Variants in TULP4 observed in about 807,000 individuals in gnomAD.
TULP4 encodes the protein tubby-related protein 4.
Under a neutral mutation model 129.0 loss-of-function variants are expected in TULP4, and 16 were observed. The observed-to-expected ratio is 0.12, with a 90% CI of 0.08 to 0.19. The LOEUF is 0.19. Ranked by LOEUF, TULP4 falls within the 10% of genes least tolerant of loss-of-function variation. The pLI is 1.00. For missense variants in TULP4, 1,842 were observed against 2,059.1 expected (o/e 0.89, Z 2.04); for synonymous variants, 998 against 854.0 (o/e 1.17, Z -2.94).
At chr6:158,243,682 G>T (rs1777969073) in intron 1 of TULP4, among the ~76,000 whole-genome samples, 1 of 152,060 alleles carries the variant, frequency 6.6e-6, no homozygotes, top group African/African-American at 2.4e-5. Flanking sequence ...TAAATCAAAA[G>T]AATCCAATTT....
intron 1 of TULP4, among the ~76,000 whole-genome samples, chr6:158,269,053 T>A (rs1490783086): frequency 6.6e-6 from 1 of 152,228 alleles, no homozygotes; most frequent in Admixed American, 6.5e-5. Context: ...TCTTTCCAAT[T>A]TGTGGCTCTT....
chr6:158,332,603 G>A (rs1475381368), intron 1 of TULP4, among the ~76,000 whole-genome samples: 1 of 152,116 alleles, frequency 6.6e-6, no homozygotes, highest in Admixed American at 6.5e-5. Context: ...TGGGAGTATG[G>A]ACAAGTGGCA....
chr6:158,454,022 C>CCT (rs1554293017), intron 5 of TULP4, among the ~76,000 whole-genome samples: 1 of 94,680 alleles, frequency 1.1e-5, no homozygotes, highest in Non-Finnish European at 2.6e-5. Flanking sequence ...CTCTGCACCG[C>CCT]CCCCCCCCAA....
intron 1 of TULP4, among the ~76,000 whole-genome samples, chr6:158,318,369 T>G (rs986772442): frequency 2.0e-5 from 3 of 152,170 alleles, no homozygotes; most frequent in Non-Finnish European, 1.5e-5. Context: ...TGACCAACTC[T>G]CCTAGCTTCC....
intron 12 of TULP4, among the ~76,000 whole-genome samples, chr6:158,499,306 AC>A (rs1780396449): frequency 6.6e-6 from 1 of 152,124 alleles, no homozygotes; most frequent in South Asian, 2.1e-4. Flanking sequence ...AAAAGCCTTT[AC>A]CTGGAACTAC....
At chr6:158,305,322 T>TGC (rs1305294584) in intron 1 of TULP4, among the ~76,000 whole-genome samples, 5 of 111,628 alleles carry the variant, frequency 4.5e-5, no homozygotes, top group African/African-American at 1.7e-4. Flanking sequence ...TCATTCTGTG[T>TGC]GCGTGTGTGT....
At chr6:158,365,934 G>A (rs1431660415) in intron 1 of TULP4, among the ~76,000 whole-genome samples, 4 of 101,584 alleles carry the variant, frequency 3.9e-5, no homozygotes, top group Middle Eastern at 0.013. Flanking sequence ...ATGGAGTCTC[G>A]CTCTGTCGCC....
At chr6:158,372,341 A>C (rs1464230229) in intron 1 of TULP4, among the ~76,000 whole-genome samples, 1 of 152,040 alleles carries the variant, frequency 6.6e-6, no homozygotes, top group Non-Finnish European at 1.5e-5. Context: ...CCAAGGCAGA[A>C]AATCAGAAAA....
At chr6:158,373,537 A>C (rs1035259144) in intron 1 of TULP4, among the ~76,000 whole-genome samples, 1 of 152,174 alleles carries the variant, frequency 6.6e-6, no homozygotes. Flanking sequence ...CAATTTGTTC[A>C]GTTCCACTTA....
At chr6:158,237,570 C>T (rs1011520534) in intron 1 of TULP4, 2 of 1,541,082 alleles carry the variant, frequency 1.3e-6, no homozygotes, top group Admixed American at 1.7e-5. Flanking sequence ...TCTGATCCTT[C>T]TTTTTACCCT....
intron 1 of TULP4, among the ~76,000 whole-genome samples, chr6:158,372,142 T>A (rs113544547): frequency 0.051 from 6,238 of 121,170 alleles, 261 homozygotes; most frequent in African/African-American, 0.088. Flanking sequence ...TTTTTTTTTT[T>A]AATACAATTC....
Position 158,248,463 on chromosome 6 carries a change from G to A in TULP4, n.68+16160G>A, listed in dbSNP as rs938499904. Reference sequence around the variant, plus strand: ...TTTTTTGTATTTTAGTAGAGACGGGGTTTCATTGTGTTAGCCAGGATGATC... The same window carrying A: ...TTTTTTGTATTTTAGTAGAGACGGGATTTCATTGTGTTAGCCAGGATGATC... On this transcript the variant is annotated intron_variant and non_coding_transcript_variant, in intron 1 of 1. Transcript: ENST00000620026. Among the ~76,000 whole-genome samples the A allele has an allele frequency of 1.3e-4, 20 of 152,126 alleles. No homozygotes were observed. In the South Asian group the frequency reaches 4.0e-3, roughly 30 times the overall value.
chr6:158,495,776 G>A (rs1013932280), intron 11 of TULP4, among the ~76,000 whole-genome samples: 1 of 152,016 alleles, frequency 6.6e-6, no homozygotes, highest in East Asian at 1.9e-4. Context: ...GGGGGCGGAG[G>A]TTGCTGTGAG....
intron 1 of TULP4, among the ~76,000 whole-genome samples, chr6:158,320,693 A>G (rs6914117): frequency 0.69 from 104,608 of 152,064 alleles, 36,236 homozygotes; most frequent in East Asian, 0.89. Context: ...CAGCCTCCCC[A>G]AGTGCTGGGA....
At position 158,508,628 on chromosome 6, in the gene TULP4, G is replaced by T. The variant is rs1201889430; in HGVS notation, c.*1934G>T. The T allele has an allele frequency of 6.6e-6, 1 of 152,548 alleles. No homozygotes were observed. Among genetic ancestry groups the T allele is most frequent in the Non-Finnish European group, 1.5e-5 (1 of 68,028 alleles). The allele number at this position is 152,548 out of a possible 1,614,324, so 9.4% of individuals were successfully genotyped here. On this transcript the variant is annotated 3_prime_UTR_variant, in exon 14 of 14. Transcript: ENST00000367097. The stretch of plus-strand genomic sequence containing the variant: ...ATATGAGTTTATGTAGCTTGATATG[G>T]TGTTTCAGTGCTTATTGGTTGTGCA...
chr6:158,408,195 G>C (rs180996372), intron 1 of TULP4, among the ~76,000 whole-genome samples: 2 of 152,288 alleles, frequency 1.3e-5, no homozygotes, highest in Admixed American at 1.3e-4. Context: ...GGTGCTGCAC[G>C]CAGAGCAAGC....
chr6:158,281,216 T>A (rs1409381620), upstream of TULP4, among the ~76,000 whole-genome samples: 3 of 65,160 alleles, frequency 4.6e-5, no homozygotes, highest in Non-Finnish European at 1.2e-4. Flanking sequence ...CTGCCGTAAT[T>A]TTTTTTTTTT....
At chr6:158,322,930 T>G (rs1779670742) in intron 1 of TULP4, among the ~76,000 whole-genome samples, 1 of 152,228 alleles carries the variant, frequency 6.6e-6, no homozygotes, top group Non-Finnish European at 1.5e-5. Context: ...GTGAAGATGA[T>G]CTTTGAGCAG....
intron 1 of TULP4, among the ~76,000 whole-genome samples, chr6:158,262,374 G>T (rs990187661): frequency 6.6e-6 from 1 of 152,108 alleles, no homozygotes; most frequent in Non-Finnish European, 1.5e-5. Flanking sequence ...CTGGTAACAC[G>T]CCTACGGTGC....
Sources: gnomAD v4.1 joint callset for allele counts (sites outside exome capture counted in the v4.1 genomes callset) on GRCh38, gnomAD v4.1.1 for gene constraint, MANE v1.5 for transcripts, NCBI Gene and HGNC (gene_info 2026-07-23, HGNC 2026-07-21) for gene names.